NDRG2: variants seen among roughly 807,000 people sequenced by gnomAD.
NDRG2 encodes the protein NDRG family member 2.
Under a neutral mutation model 58.2 loss-of-function variants are expected in NDRG2, and 34 were observed. The ratio of observed to expected loss-of-function variants is 0.58; its 90% CI spans 0.44 to 0.78. The LOEUF is 0.78. NDRG2 is among the 30% of genes least tolerant of loss of function. The pLI, the probability that NDRG2 is intolerant of heterozygous loss-of-function variation, is 0.00. For missense variants in NDRG2, 434 were observed against 471.2 expected (o/e 0.92, Z 0.73); for synonymous variants, 187 against 175.9 (o/e 1.06, Z -0.50).
intron 1 of NDRG2, chr14:21,034,226 C>T (rs753614080): frequency 5.6e-6 from 9 of 1,613,944 alleles, no homozygotes; most frequent in African/African-American, 1.3e-5. Flanking sequence ...TCTTGATGTC[C>T]ATGACCAGAG....
intron 1 of NDRG2, chr14:21,034,668 T>C (rs1884500285): frequency 5.1e-6 from 1 of 195,856 alleles, no homozygotes; most frequent in Non-Finnish European, 1.0e-5. Flanking sequence ...GACAATTCTC[T>C]GGCAGCTGGG....
At chr14:21,059,941 C>T (rs912148961) in intron 1 of NDRG2, among the ~76,000 whole-genome samples, 3 of 152,130 alleles carry the variant, frequency 2.0e-5, no homozygotes, top group Admixed American at 6.6e-5. Context: ...TACATACCAA[C>T]ATAAGGCACA....
chr14:21,059,482 T>G (rs982433784), intron 1 of NDRG2, among the ~76,000 whole-genome samples: 14 of 89,194 alleles, frequency 1.6e-4, no homozygotes, highest in African/African-American at 4.0e-4. Context: ...TGGGTTTTTT[T>G]GGGTTTTTTT....
rs577413501 is a variant in NDRG2, at chr14:21,054,316, T to C, written c.24+16512A>G. ...AAGTAAGGAGATGTTTTTAGATAGA[T>C]TGATCACAAAAGAGATAATACACAC... On this transcript the variant is annotated intron_variant, in intron 1 of 14. Coordinates refer to the NDRG2 transcript ENST00000403829. Among the ~76,000 whole-genome samples, 9 of 137,460 alleles carry C rather than the reference T, an allele frequency of 6.5e-5. No homozygotes were observed. In the South Asian group the frequency reaches 7.0e-4, roughly 11 times the overall value. 90.2% of individuals were successfully genotyped at this position (137,460 alleles called of 152,430 possible). A position where few individuals can be genotyped will look rare whatever the true frequency, so the allele number is the denominator to read the frequency against.
chr14:21,061,470 C>T (rs1803164492), intron 1 of NDRG2, among the ~76,000 whole-genome samples: 1 of 152,104 alleles, frequency 6.6e-6, no homozygotes, highest in Non-Finnish European at 1.5e-5. Flanking sequence ...AACTGGCCCA[C>T]TCTGAGGGTA....
chr14:21,058,532 A>G, intron 1 of NDRG2: 3 of 594,370 alleles, frequency 5.0e-6, no homozygotes, highest in Non-Finnish European at 5.9e-6. Context: ...AAACGATGAA[A>G]GAAGAGGGCA....
intron 14 of NDRG2, 45 bp from the exon 15 acceptor site, chr14:21,018,083 G>C: frequency 1.2e-6 from 2 of 1,608,224 alleles, no homozygotes; most frequent in South Asian, 1.1e-5. Context: ...GATGAGGTTA[G>C]AGGAAGAGCT....
chr14:21,016,969 CA>C lies in NDRG2; in HGVS notation c.*626del, dbSNP rs1293529041. The C allele has an allele frequency of 4.4e-6, 2 of 456,472 alleles. No homozygotes were observed. The highest frequency in any genetic ancestry group is 4.0e-5 in the African/African-American group (2 of 50,058). 28.3% of individuals were successfully genotyped at this position (456,472 alleles called of 1,614,324 possible). ...ACTGAGCTACCAAAGTTAGTGCAGC[CA>C]AACGGCCCCAGGCCCCTTCCTGTTG... is the stretch of plus-strand genomic sequence containing the variant. On this transcript the variant is annotated 3_prime_UTR_variant, in exon 16 of 16. Coordinates refer to ENST00000556147, the MANE Select transcript of NDRG2 (RefSeq NM_001320329.2).
chr14:21,028,183 C>G (rs1216056496), upstream of NDRG2, among the ~76,000 whole-genome samples: 1 of 152,098 alleles, frequency 6.6e-6, no homozygotes, highest in African/African-American at 2.4e-5. Flanking sequence ...AGCAATTAGG[C>G]CATATGACCC....
At chr14:21,030,612 C>T (rs139355625), upstream of NDRG2, 173 of 1,613,894 alleles carry the variant, frequency 1.1e-4, 1 homozygote, top group African/African-American at 9.6e-4. Flanking sequence ...AACATTCCAT[C>T]GGTTTGCTGC....
chr14:21,033,995 T>C (rs1453510091), intron 1 of NDRG2: 1 of 1,614,062 alleles, frequency 6.2e-7, no homozygotes, highest in East Asian at 2.2e-5. Context: ...GTGTGCAGTA[T>C]TCATTGTAAT....
intron 1 of NDRG2, among the ~76,000 whole-genome samples, chr14:21,061,916 T>G (rs1885983694): frequency 6.6e-6 from 1 of 152,254 alleles, no homozygotes; most frequent in African/African-American, 2.4e-5. Flanking sequence ...AGGAATGTTT[T>G]GCTGGTTAGC....
At chr14:21,046,405 C>T (rs1415251220) in intron 1 of NDRG2, among the ~76,000 whole-genome samples, 4 of 151,918 alleles carry the variant, frequency 2.6e-5, no homozygotes, top group African/African-American at 9.7e-5. Context: ...GCCTGTAGTC[C>T]CTGCTACTCC....
chr14:21,068,572 G>A (rs1886414318), intron 1 of NDRG2, among the ~76,000 whole-genome samples: 1 of 152,006 alleles, frequency 6.6e-6, no homozygotes, highest in South Asian at 2.1e-4. Flanking sequence ...TTAAACACTG[G>A]CCCCTGTAAC....
chr14:21,033,150 G>A (rs569838115), intron 1 of NDRG2: 10 of 375,986 alleles, frequency 2.7e-5, no homozygotes, highest in South Asian at 2.0e-4. Context: ...GTTGGAAAAA[G>A]GAAGGCAGGG....
chr14:21,037,004 C>T (rs1031159249), intron 1 of NDRG2, among the ~76,000 whole-genome samples: 3 of 152,192 alleles, frequency 2.0e-5, no homozygotes, highest in African/African-American at 7.2e-5. Context: ...TTGAATCATG[C>T]CACCTCTTCC....
At chr14:21,034,547 A>G (rs973032925) in intron 1 of NDRG2, 2 of 464,400 alleles carry the variant, frequency 4.3e-6, no homozygotes, top group African/African-American at 3.9e-5. Context: ...ACATTTGCAG[A>G]ATAAGAGCTC....
upstream of NDRG2, among the ~76,000 whole-genome samples, chr14:21,029,998 T>C (rs1352542371): frequency 1.3e-5 from 2 of 152,158 alleles, no homozygotes; most frequent in African/African-American, 4.8e-5. Context: ...ATAAGGCAAT[T>C]TGACTAGGAC....
At chr14:21,069,228 T>C (rs575597477) in intron 1 of NDRG2, among the ~76,000 whole-genome samples, 1 of 152,326 alleles carries the variant, frequency 6.6e-6, no homozygotes, top group South Asian at 2.1e-4. Flanking sequence ...CTGGCCTTCC[T>C]TTCTCATTCA....
Sources: gnomAD v4.1 joint callset for allele counts (sites outside exome capture counted in the v4.1 genomes callset) on GRCh38, gnomAD v4.1.1 for gene constraint, MANE v1.5 for transcripts, NCBI Gene and HGNC (gene_info 2026-07-23, HGNC 2026-07-21) for gene names.